Variants in INSR observed in about 807,000 individuals in gnomAD.
The protein encoded by INSR is IR.
INSR carries 67 observed loss-of-function variants against 142.6 expected under a neutral mutation model. That is an observed-to-expected ratio of 0.47 (90% CI 0.39 to 0.58). The LOEUF (loss-of-function observed/expected upper bound fraction) is 0.58, where lower values mean the gene tolerates loss of function less well. INSR is among the 20% of genes least tolerant of loss of function. The pLI, the probability that INSR is intolerant of heterozygous loss-of-function variation, is 0.00. For missense variants in INSR, 1,248 were observed against 1,833.2 expected (o/e 0.68, Z 5.83); for synonymous variants, 756 against 743.1 (o/e 1.02, Z -0.28).
chr19:7,137,867 A>C (rs554444184), intron 13 of INSR, among the ~76,000 whole-genome samples: 1,658 of 149,568 alleles, frequency 0.011, 36 homozygotes, highest in African/African-American at 0.038. Context: ...GCCATGTGAG[A>C]AGCTCTTCAG....
Position 7,293,776 on chromosome 19 carries a change from G to A in INSR, c.100+16C>T, listed in dbSNP as rs561485610. On this transcript the variant is annotated intron_variant, in intron 1 of 21. Coordinates refer to ENST00000302850, the MANE Select transcript of INSR (RefSeq NM_000208.4). ...ATCGCGGCGCTCCCCGCCCACGCCC[G>A]CGCCCCCAGACTCACCCTCTCCGGG... 86 of 1,337,952 alleles carry A rather than the reference G, an allele frequency of 6.4e-5. No individual in the cohort carries two copies. In the African/African-American group the frequency reaches 1.2e-3, roughly 19 times the overall value. 82.9% of individuals were successfully genotyped at this position (1,337,952 alleles called of 1,614,324 possible).
chr19:7,244,532 C>CAAAAAAA (rs367586146), intron 2 of INSR, among the ~76,000 whole-genome samples: 3 of 145,086 alleles, frequency 2.1e-5, no homozygotes, highest in Admixed American at 6.8e-5. Flanking sequence ...GACTCTGTCT[C>CAAAAAAA]AAAAAGAAAA....
intron 2 of INSR, among the ~76,000 whole-genome samples, chr19:7,231,407 T>C (rs1975974615): frequency 6.6e-6 from 1 of 151,596 alleles, no homozygotes; most frequent in South Asian, 2.1e-4. Context: ...TTCAAGTGAT[T>C]GTCCTGCCTC....
In INSR at chr19:7,261,179, C is replaced by T. The variant is rs545183153; in HGVS notation, c.652+6166G>A. On this transcript the variant is annotated intron_variant, in intron 2 of 21. Transcript: ENST00000302850. ...CTGGCATTACAAGCATGAGCCACCG[C>T]GTCCAGCTGGCTGAACTAATGTAGA... is the stretch of plus-strand genomic sequence containing the variant. 1.2e-4 allele frequency among the ~76,000 whole-genome samples: 19 copies of T among 152,192 alleles called. 1 individual carries two copies. In the South Asian group the frequency reaches 3.1e-3, roughly 25 times the overall value.
rs952510831 is a variant in INSR, at chr19:7,126,574, T to A, written c.3013+10A>T. The A allele has an allele frequency of 6.4e-7, 1 of 1,555,212 alleles. No homozygotes were observed. The highest frequency in any genetic ancestry group is 8.7e-7 in the Non-Finnish European group (1 of 1,148,144). On this transcript the variant is annotated intron_variant, in intron 16 of 21. Transcript: ENST00000302850. Reference sequence around the variant, plus strand: ...GTTCTGGCCACCCACAGGGAAGGGATGGTACTCACCATCACTGGCACTGAG... The same window carrying A: ...GTTCTGGCCACCCACAGGGAAGGGAAGGTACTCACCATCACTGGCACTGAG...
chr19:7,152,988 CACACACA>C, intron 9 of INSR, 61 bp from the exon 10 acceptor site: 1 of 862,202 alleles, frequency 1.2e-6, no homozygotes, highest in African/African-American at 2.0e-5. Flanking sequence ...CATACACACA[CACACACA>C]CCCCACACAC....
chr19:7,165,901 C>T (rs1973877371), intron 8 of INSR, among the ~76,000 whole-genome samples: 1 of 150,138 alleles, frequency 6.7e-6, no homozygotes. Flanking sequence ...TGGTGGTATA[C>T]TCTGGTAGTT....
At chr19:7,183,553 C>T (rs912696060) in intron 3 of INSR, among the ~76,000 whole-genome samples, 2 of 152,048 alleles carry the variant, frequency 1.3e-5, no homozygotes, top group Non-Finnish European at 2.9e-5. Context: ...GTCTCTTCCT[C>T]CTGGAGACAG....
intron 2 of INSR, among the ~76,000 whole-genome samples, chr19:7,224,278 T>G (rs1398728478): frequency 2.0e-5 from 3 of 149,770 alleles, no homozygotes; most frequent in African/African-American, 7.4e-5. Flanking sequence ...CAAAGTCTTG[T>G]GACATGCTCA....
At chr19:7,122,473 A>G (rs1049819945) in intron 19 of INSR, 141 bp downstream of exon 19, 40 of 933,548 alleles carry the variant, frequency 4.3e-5, no homozygotes, top group Non-Finnish European at 6.1e-5. Flanking sequence ...AACAAAACAA[A>G]AAAAACCCCA....
chr19:7,272,304 C>CTAAA (rs748537609), intron 1 of INSR, among the ~76,000 whole-genome samples: 49 of 151,956 alleles, frequency 3.2e-4, no homozygotes, highest in Admixed American at 6.6e-4. Context: ...GACTCCGTCT[C>CTAAA]TAAATAAATA....
At chr19:7,234,802 G>T (rs1027533830) in intron 2 of INSR, among the ~76,000 whole-genome samples, 3 of 152,140 alleles carry the variant, frequency 2.0e-5, no homozygotes, top group Non-Finnish European at 4.4e-5. Context: ...GCTCATGCCT[G>T]TAATCCCAAC....
Position 7,215,037 on chromosome 19 carries a change from G to A in INSR, c.653-30400C>T, listed in dbSNP as rs117501290. Reference sequence around the variant, plus strand: ...AGTGGTGCAATCATAGCTCACTACAGCCTCGACCCCTGGGCTCAATGGATC... The same window carrying A: ...AGTGGTGCAATCATAGCTCACTACAACCTCGACCCCTGGGCTCAATGGATC... On this transcript the variant is annotated intron_variant, in intron 2 of 21. Coordinates refer to ENST00000302850, the MANE Select transcript of INSR (RefSeq NM_000208.4). 5.4e-3 allele frequency among the ~76,000 whole-genome samples: 823 copies of A among 151,816 alleles called. 8 individuals are homozygous for A. The highest frequency in any genetic ancestry group is 0.014 in the Middle Eastern group (4 of 292).
intron 2 of INSR, among the ~76,000 whole-genome samples, chr19:7,240,828 CTATGTG>C (rs964051305): frequency 2.0e-5 from 3 of 152,154 alleles, no homozygotes; most frequent in Non-Finnish European, 4.4e-5. Context: ...TACCTCCAGG[CTATGTG>C]TATAAGATGT....
Position 7,192,245 on chromosome 19 carries a change from G to GA in INSR, c.653-7609dup, listed in dbSNP as rs1974619934. Among the ~76,000 whole-genome samples, 1 of 112,814 alleles carries GA rather than the reference G, an allele frequency of 8.9e-6. No homozygotes were observed. Among genetic ancestry groups the GA allele is most frequent in the Non-Finnish European group, 1.8e-5 (1 of 55,226 alleles). The allele number at this position is 112,814 out of a possible 152,430, so 74.0% of individuals were successfully genotyped here. On this transcript the variant is annotated intron_variant, in intron 2 of 21. Coordinates refer to ENST00000302850, the MANE Select transcript of INSR (RefSeq NM_000208.4). This position sits in a 1 kb window ranked among gnomAD's most constrained non-coding sequence, Gnocchi z 4.2. ...AAGAAAGAGAAAGAAGGAAGGGAGGGAGGGAAGAAAAGAAAAGAAAAGAAA... is the reference window on the plus strand; with the variant it reads ...AAGAAAGAGAAAGAAGGAAGGGAGGGAAGGGAAGAAAAGAAAAGAAAAGAAA...
At chr19:7,207,944 A>AGGAAGGAAGGGAGGGAGGGAG in intron 2 of INSR, among the ~76,000 whole-genome samples, 1 of 46,432 alleles carries the variant, frequency 2.2e-5, no homozygotes, top group African/African-American at 5.7e-5. Flanking sequence ...AAGGAAGGGA[A>AGGAAGGAAGGGAGGGAGGGAG]GGAGGGAGGG....
At chr19:7,143,891 C>T (rs944608046) in intron 11 of INSR, among the ~76,000 whole-genome samples, 3 of 152,024 alleles carry the variant, frequency 2.0e-5, no homozygotes, top group Non-Finnish European at 4.4e-5. Flanking sequence ...CCCGTCTCTA[C>T]TAAAAATACA....
At position 7,269,142 on chromosome 19, in the gene INSR, A is replaced by G. The variant is rs563348828; in HGVS notation, c.101-1246T>C. The stretch of plus-strand genomic sequence containing the variant: ...TACAACCCCTGCTTATTTTGTTCCA[A>G]AACACTAAACCTTCCACCAATATCT... On this transcript the variant is annotated intron_variant, in intron 1 of 21. Coordinates refer to ENST00000302850, the MANE Select transcript of INSR (RefSeq NM_000208.4). Among the ~76,000 whole-genome samples the G allele has an allele frequency of 1.7e-4, 25 of 151,218 alleles. No homozygotes were observed. In the South Asian group the frequency reaches 5.3e-3, roughly 32 times the overall value.
rs930394781 is a variant in INSR, at chr19:7,208,641, G to A, written c.653-24004C>T. On this transcript the variant is annotated intron_variant, in intron 2 of 21. Coordinates refer to ENST00000302850, the MANE Select transcript of INSR (RefSeq NM_000208.4). ...TCCCAGCACTTTGGGAGGCCCAGGC[G>A]GGTGGATCGCTTGAGCCCAGGAGCT... 3.9e-5 allele frequency among the ~76,000 whole-genome samples: 6 copies of A among 152,232 alleles called. No homozygotes were observed. In the South Asian group the frequency reaches 1.2e-3, roughly 32 times the overall value.
Sources: allele counts gnomAD v4.1 joint callset (sites outside exome capture counted in the v4.1 genomes callset), GRCh38; gene constraint gnomAD v4.1.1; non-coding constraint Gnocchi (gnomAD v3.1); transcripts MANE v1.5; gene names NCBI Gene and HGNC (gene_info 2026-07-23, HGNC 2026-07-21).